The following BCOR variants were observed in gnomAD, a reference collection of about 807,000 sequenced individuals.
The protein encoded by BCOR is BCL-6 corepressor.
BCOR carries 10 observed loss-of-function variants against 86.7 expected under a neutral mutation model. The ratio of observed to expected loss-of-function variants is 0.12; its 90% CI spans 0.07 to 0.20. The LOEUF (loss-of-function observed/expected upper bound fraction) is 0.20. Ranked by LOEUF, BCOR falls within the 10% of genes least tolerant of loss-of-function variation. BCOR has a pLI of 1.00. For missense variants in BCOR, 1,259 were observed against 1,452.1 expected (o/e 0.87, Z 2.16); for synonymous variants, 611 against 609.0 (o/e 1.00, Z -0.05).
intron 6 of BCOR, among the ~76,000 whole-genome samples, 172 bp from the exon 7 acceptor site, chrX:40,064,771 C>A (rs1935117352): frequency 8.9e-6 from 1 of 111,930 alleles, no homozygotes; most frequent in Non-Finnish European, 1.9e-5. Context: ...AGAAACAGAA[C>A]TTTCCAGAGG....
chrX:40,152,619 C>G (rs1938191316), intron 1 of BCOR, among the ~76,000 whole-genome samples: 1 of 112,926 alleles, frequency 8.9e-6, no homozygotes, highest in Non-Finnish European at 1.9e-5. Context: ...CCGGGCGAGG[C>G]TTTTGTGGCC....
upstream of BCOR, among the ~76,000 whole-genome samples, chrX:40,102,616 C>A (rs1266413278): frequency 1.8e-5 from 2 of 113,862 alleles, no homozygotes; most frequent in African/African-American, 6.4e-5. Flanking sequence ...ACCAACTACT[C>A]GCCTTCGGAC....
At chrX:40,123,789 T>G (rs1252363531) in intron 1 of BCOR, among the ~76,000 whole-genome samples, 5 of 101,130 alleles carry the variant, frequency 4.9e-5, no homozygotes, top group Non-Finnish European at 9.9e-5. Flanking sequence ...AGAGAAGGTT[T>G]CCTGGTTGTG....
intron 1 of BCOR, among the ~76,000 whole-genome samples, chrX:40,081,916 A>G (rs1245589421): frequency 8.9e-6 from 1 of 112,538 alleles, no homozygotes; most frequent in Non-Finnish European, 1.9e-5. Context: ...GCTTGTGAGA[A>G]GCAGGCGTGC....
At chrX:40,114,849 C>CTTTTTTTT (rs763376608) in intron 1 of BCOR, among the ~76,000 whole-genome samples, 3 of 85,109 alleles carry the variant, frequency 3.5e-5, no homozygotes, top group Non-Finnish European at 4.5e-5. Flanking sequence ...TTACCATTCA[C>CTTTTTTTT]TTTTTTTTTT....
chrX:40,082,891 C>T (rs1241702434), intron 1 of BCOR, among the ~76,000 whole-genome samples: 1 of 111,427 alleles, frequency 9.0e-6, no homozygotes, highest in Non-Finnish European at 1.9e-5. Context: ...TGGGGCACTA[C>T]CACCTCATCC....
At chrX:40,146,122 C>A (rs12559842) in intron 1 of BCOR, among the ~76,000 whole-genome samples, 5,989 of 112,135 alleles carry the variant, frequency 0.053, 175 homozygotes, top group Admixed American at 0.14. Flanking sequence ...ATTCCGACTG[C>A]GAAAGCCATT....
chrX:40,165,636 C>T (rs776531017), intron 1 of BCOR, among the ~76,000 whole-genome samples: 7 of 112,688 alleles, frequency 6.2e-5, no homozygotes, highest in African/African-American at 2.3e-4. Flanking sequence ...AGAAACAATT[C>T]CTTCTTCTGA....
chrX:40,064,139 C>G (rs990277970), intron 7 of BCOR, among the ~76,000 whole-genome samples, 187 bp from the exon 8 acceptor site: 1 of 109,931 alleles, frequency 9.1e-6, no homozygotes, highest in Non-Finnish European at 1.9e-5. Context: ...CGGCTCCCCC[C>G]GGGGGCTCCA....
intron 9 of BCOR, 136 bp from the exon 10 acceptor site, chrX:40,062,529 G>A (rs1178976758): frequency 1.7e-5 from 16 of 921,808 alleles, no homozygotes; most frequent in African/African-American, 6.0e-5. Flanking sequence ...GGGGTGGGGG[G>A]TGCCTGTCAA....
At chrX:40,157,103 G>C (rs927169949) in intron 1 of BCOR, among the ~76,000 whole-genome samples, 2 of 113,398 alleles carry the variant, frequency 1.8e-5, no homozygotes, top group African/African-American at 3.2e-5. Flanking sequence ...CCCAGCTCAC[G>C]GAGGCCTGGC....
intron 1 of BCOR, among the ~76,000 whole-genome samples, chrX:40,162,997 G>A (rs926118503): frequency 8.9e-6 from 1 of 111,775 alleles, no homozygotes; most frequent in African/African-American, 3.3e-5. Flanking sequence ...CACTATCCAT[G>A]CTGGATATTT....
rs1339230290 is a variant in BCOR, at chrX:40,075,132, T to C, written c.214A>G (p.Met72Val). 4.1e-6 allele frequency: 5 copies of C among 1,210,525 alleles called. No individual in the cohort carries two copies. The South Asian group carries it at 7.0e-5, about 17-fold the overall frequency. The part of the protein sequence containing the change: ...HRIDGLAALS[M>V]DRTGLIREGL... ...TCCCGGATCAGGCCAGTGCGGTCCA[T>C]GCTCAGTGCTGCCAGGCCATCGATC... Residue 72 changes from methionine (M) to valine (V), a missense_variant, in exon 4 of 15, where the codon ATG (methionine) becomes GTG (valine). Physicochemically the swap from Met to Val is conservative, Grantham distance 21. This residue lies in a region of BCOR where 174 missense variants were observed against 189.3 expected (regional missense o/e 0.92). Transcript: ENST00000378444.
chrX:40,172,254 A>G (rs1938640269), intron 1 of BCOR, among the ~76,000 whole-genome samples: 1 of 112,131 alleles, frequency 8.9e-6, no homozygotes. Context: ...ATCCACGCGC[A>G]GGCCCCACCG....
chrX:40,164,610 G>T (rs1162639056), intron 1 of BCOR, among the ~76,000 whole-genome samples: 1 of 111,501 alleles, frequency 9.0e-6, no homozygotes, highest in African/African-American at 3.3e-5. Flanking sequence ...GACCTACATT[G>T]GCTGCACAAG....
In BCOR at chrX:40,066,239, C is replaced by G. The variant is rs183335536; in HGVS notation, c.3239-1640G>C. On this transcript the variant is annotated intron_variant, in intron 6 of 14. Coordinates refer to ENST00000378444, the MANE Select transcript of BCOR (RefSeq NM_001123385.2). ...ACGGATGGGCGTCCAAAAACATGGC[C>G]AAGGTGGTGTTATGTCACAGCAGCA... Among the ~76,000 whole-genome samples, 518 of 111,696 alleles carry G rather than the reference C, an allele frequency of 4.6e-3. 4 individuals are homozygous for G. Among genetic ancestry groups the G allele is most frequent in the African/African-American group, 0.015 (468 of 30,709 alleles).
rs1179173750 is a variant in BCOR, at chrX:40,072,675, T to G, written c.2671A>C (p.Asn891His). Residue 891 changes from asparagine (N) to histidine (H), a missense_variant, in exon 4 of 15, where the codon AAC (asparagine) becomes CAC (histidine). Coordinates refer to ENST00000378444, the MANE Select transcript of BCOR (RefSeq NM_001123385.2). The part of the protein sequence containing the change: ...DSVLAGTNKE[N>H]LGLPVSTPFL... ...GGAGTCGAGACTGGCAACCCTAGGT[T>G]CTCTTTGTTGGTACCTGCCAGAACA... 8.3e-6 allele frequency: 10 copies of G among 1,211,826 alleles called. No individual in the cohort carries two copies. Among genetic ancestry groups the G allele is most frequent in the Non-Finnish European group, 1.0e-5 (9 of 895,525 alleles).
intron 1 of BCOR, among the ~76,000 whole-genome samples, chrX:40,084,005 C>T (rs1190866305): frequency 8.0e-5 from 9 of 112,198 alleles, no homozygotes; most frequent in South Asian, 3.7e-4. Flanking sequence ...GCCGAGCCCA[C>T]CCGGGGAATG....
chrX:40,120,613 C>A (rs1461836704), intron 1 of BCOR, among the ~76,000 whole-genome samples: 1 of 111,749 alleles, frequency 8.9e-6, no homozygotes, highest in African/African-American at 3.3e-5. Flanking sequence ...TCCATGGCCC[C>A]CACAGCAGCC....
Sources: allele counts gnomAD v4.1 joint callset (sites outside exome capture counted in the v4.1 genomes callset), GRCh38; gene constraint gnomAD v4.1.1; regional missense constraint gnomAD v4.1.1; transcripts MANE v1.5; gene names NCBI Gene and HGNC (gene_info 2026-07-23, HGNC 2026-07-21).